Variants in SPMAP2L observed in about 807,000 individuals in gnomAD.
SPMAP2L encodes the protein sperm microtubule associated protein 2-like.
chr4:56,550,833 G>A, the SPMAP2L span, among the ~76,000 whole-genome samples: 1 of 152,028 alleles, frequency 6.6e-6, no homozygotes, highest in Non-Finnish European at 1.5e-5. Context: ...AATTAGCCCG[G>A]TATGGTGTCC....
At chr4:56,583,834 GT>G in the SPMAP2L span, among the ~76,000 whole-genome samples, 2 of 152,088 alleles carry the variant, frequency 1.3e-5, no homozygotes, top group Admixed American at 6.6e-5. Flanking sequence ...ATCAATTCCA[GT>G]TTTTTTATAA....
chr4:56,593,719 C>G, the SPMAP2L span: 1 of 1,575,762 alleles, frequency 6.3e-7, no homozygotes, highest in Admixed American at 1.7e-5. Context: ...CAACAAGAGA[C>G]GCCACTGGGA....
At chr4:56,584,379 G>A in the SPMAP2L span, 2 of 658,878 alleles carry the variant, frequency 3.0e-6, no homozygotes, top group Non-Finnish European at 5.1e-6. Flanking sequence ...TGGGATAGAT[G>A]TTCCTAAGAT....
the SPMAP2L span, among the ~76,000 whole-genome samples, chr4:56,611,424 G>A: frequency 6.6e-6 from 1 of 152,134 alleles, no homozygotes; most frequent in African/African-American, 2.4e-5. Context: ...GGAACTTGGG[G>A]GGAAAGTGTG....
the SPMAP2L span, among the ~76,000 whole-genome samples, chr4:56,624,406 A>G: frequency 6.6e-6 from 1 of 152,278 alleles, no homozygotes; most frequent in Non-Finnish European, 1.5e-5. Context: ...AGCCAGCTGC[A>G]GAAATTTGCA....
the SPMAP2L span, among the ~76,000 whole-genome samples, chr4:56,537,209 C>G: frequency 6.6e-6 from 1 of 152,152 alleles, no homozygotes; most frequent in Non-Finnish European, 1.5e-5. Flanking sequence ...TTTGCTGAAC[C>G]CTCTCTGAAT....
At chr4:56,534,261 A>G in the SPMAP2L span, among the ~76,000 whole-genome samples, 561 of 152,224 alleles carry the variant, frequency 3.7e-3, 6 homozygotes, top group African/African-American at 0.013. Context: ...TGTGAAATTC[A>G]ATGGCTAATT....
chr4:56,548,060 T>A, the SPMAP2L span, among the ~76,000 whole-genome samples: 1 of 152,202 alleles, frequency 6.6e-6, no homozygotes, highest in Non-Finnish European at 1.5e-5. Context: ...ATCAAATTAT[T>A]TTTCATAAAA....
the SPMAP2L span, among the ~76,000 whole-genome samples, chr4:56,601,809 T>A: frequency 6.6e-6 from 1 of 152,162 alleles, no homozygotes; most frequent in Non-Finnish European, 1.5e-5. Context: ...GGAGACAGTC[T>A]GATAAGTATG....
the SPMAP2L span, among the ~76,000 whole-genome samples, chr4:56,606,152 C>T: frequency 6.6e-6 from 1 of 152,162 alleles, no homozygotes; most frequent in Non-Finnish European, 1.5e-5. Flanking sequence ...TTTCTTAACT[C>T]ACCTGGGTAC....
chr4:56,560,866 C>T, the SPMAP2L span, among the ~76,000 whole-genome samples: 145,112 of 152,178 alleles, frequency 0.95, 69,274 homozygotes, highest in Middle Eastern at 0.97. Context: ...TTGCCTCAGC[C>T]TCCCCAGTAG....
At chr4:56,531,140 C>A in the SPMAP2L span, 2 of 1,534,260 alleles carry the variant, frequency 1.3e-6, no homozygotes, top group Non-Finnish European at 1.7e-6. Flanking sequence ...ACCAGAGCCC[C>A]GCCACGGCCT....
the SPMAP2L span, among the ~76,000 whole-genome samples, chr4:56,555,351 C>T: frequency 6.6e-6 from 1 of 152,116 alleles, no homozygotes; most frequent in Non-Finnish European, 1.5e-5. Flanking sequence ...TCACCAGTAC[C>T]ACACTGCCTT....
At chr4:56,593,510 G>C in the SPMAP2L span, 1 of 1,600,718 alleles carries the variant, frequency 6.2e-7, no homozygotes, top group Admixed American at 1.7e-5. Context: ...GCTCATCAGA[G>C]TGGGAGCCTG....
the SPMAP2L span, chr4:56,557,799 G>A: frequency 2.0e-5 from 3 of 152,266 alleles, no homozygotes; most frequent in Admixed American, 6.5e-5. Flanking sequence ...CCTGGATATG[G>A]ACCATAGAAG....
chr4:56,531,141 G>A, the SPMAP2L span: 4 of 1,533,818 alleles, frequency 2.6e-6, no homozygotes, highest in African/African-American at 2.7e-5. Flanking sequence ...CCAGAGCCCC[G>A]CCACGGCCTC....
the SPMAP2L span, among the ~76,000 whole-genome samples, chr4:56,536,644 C>T: frequency 1.3e-5 from 2 of 152,170 alleles, no homozygotes; most frequent in Admixed American, 6.5e-5. Flanking sequence ...TCTTCTCTAT[C>T]GTTAGCATTG....
the SPMAP2L span, among the ~76,000 whole-genome samples, chr4:56,622,893 A>T: frequency 7.2e-5 from 11 of 152,160 alleles, no homozygotes; most frequent in African/African-American, 2.7e-4. Context: ...CGGCTGGTGG[A>T]AAAACAGTCT....
chr4:56,610,071 C>T, the SPMAP2L span, among the ~76,000 whole-genome samples: 1 of 152,034 alleles, frequency 6.6e-6, no homozygotes, highest in African/African-American at 2.4e-5. Flanking sequence ...AAAATACCAC[C>T]ATCATTCTTC....
Sources: gnomAD v4.1 joint callset for allele counts (sites outside exome capture counted in the v4.1 genomes callset) on GRCh38, gnomAD v4.1.1 for gene constraint, MANE v1.5 for transcripts, NCBI Gene and HGNC (gene_info 2026-07-23, HGNC 2026-07-21) for gene names.